Variants in CNKSR2 observed in about 807,000 individuals in gnomAD.
The protein encoded by CNKSR2 is CNK homolog protein 2.
In CNKSR2, 14 loss-of-function variants were observed where a neutral mutation model predicts 84.4. The ratio of observed to expected loss-of-function variants is 0.17; its 90% CI spans 0.11 to 0.26. The LOEUF is 0.26. CNKSR2 is among the 10% of genes least tolerant of loss of function. The pLI is 1.00. For synonymous variants in CNKSR2, 275 were observed against 277.9 expected (o/e 0.99, Z 0.10); for missense variants, 485 against 771.2 (o/e 0.63, Z 4.40).
At chrX:21,600,917 G>A (rs908174942) in intron 17 of CNKSR2, among the ~76,000 whole-genome samples, 4 of 112,242 alleles carry the variant, frequency 3.6e-5, no homozygotes. Context: ...ACCTGATACT[G>A]TTTAAATATC....
intron 20 of CNKSR2, among the ~76,000 whole-genome samples, chrX:21,627,414 G>T (rs2092628747): frequency 9.0e-6 from 1 of 111,480 alleles, no homozygotes; most frequent in Admixed American, 9.5e-5. Flanking sequence ...CAGGAGAATG[G>T]TGTGAACCCG....
At chrX:21,443,107 TTATA>T (rs1366569667) in intron 4 of CNKSR2, among the ~76,000 whole-genome samples, 1 of 110,475 alleles carries the variant, frequency 9.1e-6, no homozygotes, top group Non-Finnish European at 1.9e-5. Flanking sequence ...CCCAATTTAC[TTATA>T]TAACAAACCT....
intron 20 of CNKSR2, among the ~76,000 whole-genome samples, chrX:21,635,378 A>ATGTGTGTG (rs74314224): frequency 2.1e-5 from 2 of 94,728 alleles, no homozygotes; most frequent in East Asian, 6.5e-4. Flanking sequence ...TCTAAAATAA[A>ATGTGTGTG]TGTGTGTGTG....
intron 9 of CNKSR2, among the ~76,000 whole-genome samples, chrX:21,519,225 A>C: frequency 9.0e-6 from 1 of 111,220 alleles, no homozygotes; most frequent in Non-Finnish European, 1.9e-5. Flanking sequence ...TAAAATGCAA[A>C]GACACCTGAA....
At chrX:21,553,780 A>G (rs1225756545) in intron 11 of CNKSR2, among the ~76,000 whole-genome samples, 1 of 111,736 alleles carries the variant, frequency 8.9e-6, no homozygotes, top group African/African-American at 3.2e-5. Context: ...AAAATTTTTA[A>G]AACTAGACTG....
intron 11 of CNKSR2, among the ~76,000 whole-genome samples, chrX:21,533,107 A>G (rs1003568826): frequency 1.8e-5 from 2 of 111,073 alleles, no homozygotes; most frequent in African/African-American, 6.5e-5. Flanking sequence ...TACTTATCTT[A>G]CCTTGTGTTA....
intron 5 of CNKSR2, among the ~76,000 whole-genome samples, chrX:21,487,410 C>T (rs760182699): frequency 8.9e-6 from 1 of 111,813 alleles, no homozygotes; most frequent in African/African-American, 3.3e-5. Flanking sequence ...AAGAAATATA[C>T]ATATGTATAT....
At chrX:21,382,770 A>G (rs927854826) in intron 1 of CNKSR2, among the ~76,000 whole-genome samples, 2 of 111,569 alleles carry the variant, frequency 1.8e-5, no homozygotes, top group Non-Finnish European at 3.8e-5. Context: ...TTAAAGGTGC[A>G]TCTTAAATCA....
intron 13 of CNKSR2, among the ~76,000 whole-genome samples, chrX:21,572,139 C>T (rs981395874): frequency 2.7e-5 from 3 of 112,409 alleles, no homozygotes; most frequent in Non-Finnish European, 5.6e-5. Flanking sequence ...CAAACCCCTA[C>T]ATGGGAACAG....
At chrX:21,439,934 G>C (rs901895670) in intron 3 of CNKSR2, among the ~76,000 whole-genome samples, 3 of 109,292 alleles carry the variant, frequency 2.7e-5, no homozygotes, top group African/African-American at 1.0e-4. Flanking sequence ...TCATTATCCT[G>C]ATATACCCCT....
intron 1 of CNKSR2, among the ~76,000 whole-genome samples, chrX:21,391,136 G>A (rs1007183850): frequency 8.9e-6 from 1 of 112,606 alleles, no homozygotes; most frequent in Admixed American, 9.3e-5. Context: ...TCCCAGGCTG[G>A]CACTGAGTGC....
In CNKSR2 at chrX:21,513,109, G is replaced by A. The variant is rs140839731; in HGVS notation, c.811-3376G>A. The stretch of plus-strand genomic sequence containing the variant: ...TTGCGATTATTCGGTAGCTATTAAC[G>A]TGGACAAGCTAAACAGTTGGAAATA... On this transcript the variant is annotated intron_variant, in intron 8 of 21. Coordinates refer to ENST00000379510, the MANE Select transcript of CNKSR2 (RefSeq NM_014927.5). Among the ~76,000 whole-genome samples, 971 of 112,148 alleles carry A rather than the reference G, an allele frequency of 8.7e-3. 6 individuals carry two copies. The highest frequency in any genetic ancestry group is 0.028 in the African/African-American group (868 of 30,962).
intron 13 of CNKSR2, among the ~76,000 whole-genome samples, chrX:21,589,123 G>A (rs1482061627): frequency 1.8e-5 from 2 of 112,006 alleles, no homozygotes; most frequent in East Asian, 5.6e-4. Flanking sequence ...ATGTGTGTGT[G>A]TATGTGTGTA....
Position 21,461,114 on chromosome X carries a change from A to G in CNKSR2, c.520-9652A>G, listed in dbSNP as rs958499305. Among the ~76,000 whole-genome samples, 5 of 111,960 alleles carry G rather than the reference A, an allele frequency of 4.5e-5. No individual in the cohort carries two copies. In the Admixed American group the frequency reaches 4.7e-4, roughly 11 times the overall value. On this transcript the variant is annotated intron_variant, in intron 4 of 21. Coordinates refer to ENST00000379510, the MANE Select transcript of CNKSR2 (RefSeq NM_014927.5). Reference sequence around the variant, plus strand: ...GTTTTTTAAGGAACCTCCAAACTGTACTCCATCGTGATTGTACTAATATAC... The same window carrying G: ...GTTTTTTAAGGAACCTCCAAACTGTGCTCCATCGTGATTGTACTAATATAC...
intron 11 of CNKSR2, among the ~76,000 whole-genome samples, chrX:21,535,849 G>T (rs1425169096): frequency 9.0e-6 from 1 of 110,996 alleles, no homozygotes; most frequent in Non-Finnish European, 1.9e-5. Flanking sequence ...CAATTTGAAT[G>T]CCCTTTATTT....
At chrX:21,593,644 T>G (rs1036419639) in intron 15 of CNKSR2, 1 of 111,399 alleles carries the variant, frequency 9.0e-6, no homozygotes, top group Non-Finnish European at 1.9e-5. Context: ...TTTGGATAAT[T>G]CTTCTGTCTT....
intron 1 of CNKSR2, among the ~76,000 whole-genome samples, chrX:21,383,797 G>T (rs753940725): frequency 9.0e-6 from 1 of 110,890 alleles, no homozygotes. Context: ...TGGAAGCCTG[G>T]CTTAGATCCT....
chrX:21,603,383 G>A (rs963421548), intron 18 of CNKSR2, among the ~76,000 whole-genome samples: 2 of 111,957 alleles, frequency 1.8e-5, no homozygotes, highest in African/African-American at 3.2e-5. Context: ...CTTCTGTAGA[G>A]TTATTTGAGT....
intron 13 of CNKSR2, among the ~76,000 whole-genome samples, chrX:21,582,890 C>G (rs774554583): frequency 5.4e-5 from 6 of 111,425 alleles, no homozygotes; most frequent in Non-Finnish European, 9.4e-5. Flanking sequence ...TTATGGGATC[C>G]TGCATGAGAG....
Sources: allele counts gnomAD v4.1 joint callset (sites outside exome capture counted in the v4.1 genomes callset), GRCh38; gene constraint gnomAD v4.1.1; transcripts MANE v1.5; gene names NCBI Gene and HGNC (gene_info 2026-07-23, HGNC 2026-07-21).